COL4A1: variants seen among roughly 807,000 people sequenced by gnomAD.
COL4A1 encodes collagen alpha-1(IV) chain.
In COL4A1, 40 loss-of-function variants were observed where a neutral mutation model predicts 216.6. The observed-to-expected ratio is 0.18, with a 90% confidence interval of 0.14 to 0.24. COL4A1 has a LOEUF of 0.24. Ranked by LOEUF, COL4A1 falls within the 10% of genes least tolerant of loss-of-function variation. The pLI is 1.00. For synonymous variants in COL4A1, 839 were observed against 810.7 expected (o/e 1.03, Z -0.59); for missense variants, 1,628 against 2,196.8 (o/e 0.74, Z 5.18).
intron 17 of COL4A1, among the ~76,000 whole-genome samples, chr13:110,203,965 T>C (rs925453568): frequency 3.3e-5 from 5 of 152,178 alleles, no homozygotes; most frequent in Non-Finnish European, 7.3e-5. Context: ...AAAAGAGAAA[T>C]GAAATAAAAT....
In COL4A1 at chr13:110,160,444, C is replaced by T. The variant is rs1422361377; in HGVS notation, c.4640+748G>A. ...CGGCCTGGGTGACAGAGCGAGACTC[C>T]GTCTCAAAAAAAAAAAAAAAAATTC... is the stretch of plus-strand genomic sequence containing the variant. On this transcript the variant is annotated intron_variant, in intron 49 of 51. Transcript: ENST00000375820. Among the ~76,000 whole-genome samples, 12 of 49,950 alleles carry T rather than the reference C, an allele frequency of 2.4e-4. 3 individuals carry two copies. Among genetic ancestry groups the T allele is most frequent in the African/African-American group, 4.7e-4 (6 of 12,820 alleles). The allele number at this position is 49,950 out of a possible 152,430, so 32.8% of individuals were successfully genotyped here.
intron 15 of COL4A1, among the ~76,000 whole-genome samples, chr13:110,205,832 C>T (rs1004914959): frequency 6.6e-6 from 1 of 151,988 alleles, no homozygotes; most frequent in Admixed American, 6.6e-5. Flanking sequence ...CATTGCACTC[C>T]AGCCTGGGCA....
chr13:110,219,886 A>G (rs1000010134), intron 2 of COL4A1, among the ~76,000 whole-genome samples: 5 of 82,550 alleles, frequency 6.1e-5, no homozygotes, highest in African/African-American at 8.5e-5. Flanking sequence ...ATGTATATAT[A>G]TGTGTGTATA....
At chr13:110,213,390 G>A (rs1291452015) in intron 4 of COL4A1, among the ~76,000 whole-genome samples, 1 of 152,218 alleles carries the variant, frequency 6.6e-6, no homozygotes, top group Non-Finnish European at 1.5e-5. Flanking sequence ...AGAGGAGGAA[G>A]AGCAAGGCTG....
chr13:110,227,516 C>A (rs569024776), intron 2 of COL4A1, among the ~76,000 whole-genome samples: 5 of 151,796 alleles, frequency 3.3e-5, no homozygotes, highest in Non-Finnish European at 5.9e-5. Flanking sequence ...CACTAAGAGG[C>A]AGGTTGGGGG....
intron 2 of COL4A1, among the ~76,000 whole-genome samples, chr13:110,221,998 T>C (rs1286812886): frequency 1.3e-5 from 2 of 152,206 alleles, no homozygotes; most frequent in Non-Finnish European, 2.9e-5. Flanking sequence ...GAAACACTTG[T>C]ATTTTCCTGG....
chr13:110,271,311 T>C (rs1883236724), intron 1 of COL4A1, among the ~76,000 whole-genome samples: 1 of 152,138 alleles, frequency 6.6e-6, no homozygotes, highest in Admixed American at 6.5e-5. Context: ...AAGATATTCA[T>C]ACTGTGTCAA....
intron 2 of COL4A1, among the ~76,000 whole-genome samples, chr13:110,228,652 T>C (rs544807142): frequency 2.0e-5 from 3 of 152,340 alleles, no homozygotes; most frequent in African/African-American, 7.2e-5. Flanking sequence ...AACTCCCATG[T>C]TCCTAAATTA....
At chr13:110,169,837 A>T in intron 42 of COL4A1, 75 bp from the exon 43 acceptor site, 1 of 1,588,744 alleles carries the variant, frequency 6.3e-7, no homozygotes. Context: ...GGCTATCAAT[A>T]CTGCCACCCA....
rs79228241 is a variant in COL4A1, at chr13:110,172,523, C to G, written c.3556+197G>C. ...TAATTCTGATCATGAGTGTACTGCA[C>G]GCCATTTTGATCCATTAATTAGAAG... On this transcript the variant is annotated intron_variant, in intron 41 of 51. Coordinates refer to ENST00000375820, the MANE Select transcript of COL4A1 (RefSeq NM_001845.6). Among the ~76,000 whole-genome samples the G allele has an allele frequency of 0.01, 1,551 of 152,300 alleles. 25 individuals carry two copies. The highest frequency in any genetic ancestry group is 0.035 in the African/African-American group (1,440 of 41,538).
intron 1 of COL4A1, among the ~76,000 whole-genome samples, chr13:110,255,937 G>A (rs9805362): frequency 0.95 from 106,667 of 112,380 alleles, 50,862 homozygotes; most frequent in Middle Eastern, 0.98. Flanking sequence ...GAAGGAGGCA[G>A]AGGAAAGAAA....
intron 1 of COL4A1, among the ~76,000 whole-genome samples, chr13:110,297,688 G>A (rs7983906): frequency 0.2 from 30,084 of 151,994 alleles, 3,647 homozygotes; most frequent in African/African-American, 0.34. Flanking sequence ...AATTTTCAAC[G>A]TAACATCTAT....
At chr13:110,253,887 A>C (rs1007468335) in intron 1 of COL4A1, among the ~76,000 whole-genome samples, 2 of 151,612 alleles carry the variant, frequency 1.3e-5, no homozygotes, top group Admixed American at 6.6e-5. Context: ...TATAAAGTAT[A>C]ATGTGCTGTC....
At chr13:110,248,190 G>A (rs993146474) in intron 1 of COL4A1, among the ~76,000 whole-genome samples, 1 of 152,192 alleles carries the variant, frequency 6.6e-6, no homozygotes, top group Non-Finnish European at 1.5e-5. Flanking sequence ...TCCTCGGGGA[G>A]TCTTTTAAAT....
chr13:110,204,303 T>C (rs1250886124), intron 17 of COL4A1, among the ~76,000 whole-genome samples: 1 of 152,238 alleles, frequency 6.6e-6, no homozygotes, highest in Non-Finnish European at 1.5e-5. Flanking sequence ...TTGAATGTTT[T>C]GATTTTTCTT....
intron 28 of COL4A1, 96 bp from the exon 29 acceptor site, chr13:110,181,485 G>A (rs572379299): frequency 8.0e-7 from 1 of 1,256,106 alleles, no homozygotes; most frequent in Non-Finnish European, 1.1e-6. Context: ...GCCCAGAGAT[G>A]CCGACCTGAT....
intron 1 of COL4A1, among the ~76,000 whole-genome samples, chr13:110,249,847 T>TA (rs1881996741): frequency 2.0e-5 from 3 of 152,220 alleles, no homozygotes; most frequent in Non-Finnish European, 4.4e-5. Context: ...CTTAAAAGCT[T>TA]ACATTTGCAT....
At chr13:110,201,813 C>A (rs1879262790) in intron 18 of COL4A1, 2 of 536,080 alleles carry the variant, frequency 3.7e-6, no homozygotes, top group East Asian at 9.0e-5. Flanking sequence ...GAAACCCCGA[C>A]TCTACTAAAA....
intron 1 of COL4A1, among the ~76,000 whole-genome samples, chr13:110,289,159 C>T (rs1429463376): frequency 1.3e-5 from 2 of 152,102 alleles, no homozygotes; most frequent in Non-Finnish European, 2.9e-5. Flanking sequence ...CTCATTTTGG[C>T]GAGTGCTGGA....
Sources: gnomAD v4.1 joint callset for allele counts (sites outside exome capture counted in the v4.1 genomes callset) on GRCh38, gnomAD v4.1.1 for gene constraint, MANE v1.5 for transcripts, NCBI Gene and HGNC (gene_info 2026-07-23, HGNC 2026-07-21) for gene names.